The following ZNF724 variants were observed in gnomAD, a reference collection of about 807,000 sequenced individuals.
The protein encoded by ZNF724 is zinc finger protein 724, also known as zinc finger protein 724 pseudogene.
ZNF724 carries 14 observed loss-of-function variants against 29.3 expected under a neutral mutation model. The ratio of observed to expected loss-of-function variants is 0.48; its 90% CI spans 0.32 to 0.75. The LOEUF (loss-of-function observed/expected upper bound fraction) is 0.75, where lower values mean the gene tolerates loss of function less well. Among genes scored for constraint, ZNF724 ranks in the 30% least tolerant of loss-of-function variants. The pLI is 0.04. For missense variants in ZNF724, 557 were observed against 571.2 expected (o/e 0.98, Z 0.25); for synonymous variants, 180 against 193.6 (o/e 0.93, Z 0.58).
chr19:23,230,842 T>C (rs1971922437), intron 3 of ZNF724: 1 of 152,362 alleles, frequency 6.6e-6, no homozygotes, highest in East Asian at 1.9e-4. Context: ...CTATTTTCCT[T>C]GGAGCACAAC....
At chr19:23,249,230 G>A (rs1468589013) in intron 1 of ZNF724, among the ~76,000 whole-genome samples, 1 of 140,062 alleles carries the variant, frequency 7.1e-6, no homozygotes, top group Non-Finnish European at 1.5e-5. Flanking sequence ...TAATATTTTT[G>A]CAGAGACTGC....
At chr19:23,228,260 G>C (rs1465920771) in intron 3 of ZNF724, among the ~76,000 whole-genome samples, 1 of 151,724 alleles carries the variant, frequency 6.6e-6, no homozygotes, top group Non-Finnish European at 1.5e-5. Flanking sequence ...GACCAGCCTG[G>C]CCAACATGGT....
chr19:23,240,953 AAC>A (rs1056401941), intron 1 of ZNF724, among the ~76,000 whole-genome samples: 74 of 152,158 alleles, frequency 4.9e-4, no homozygotes, highest in African/African-American at 1.8e-3. Flanking sequence ...AAATTGCTTA[AAC>A]CCCGGAGGCA....
At chr19:23,236,281 A>T (rs1599643263) in intron 1 of ZNF724, 1 of 152,414 alleles carries the variant, frequency 6.6e-6, no homozygotes, top group East Asian at 1.9e-4. Flanking sequence ...CTGCCAGAGC[A>T]GCACTCCAGT....
At chr19:23,234,814 T>C (rs1971998341) in intron 1 of ZNF724, among the ~76,000 whole-genome samples, 2 of 152,200 alleles carry the variant, frequency 1.3e-5, no homozygotes, top group Admixed American at 6.5e-5. Context: ...CTATGTATTT[T>C]GATTCTGCAG....
At chr19:23,228,077 G>C (rs1971870795) in intron 3 of ZNF724, among the ~76,000 whole-genome samples, 1 of 152,044 alleles carries the variant, frequency 6.6e-6, no homozygotes, top group South Asian at 2.1e-4. Flanking sequence ...ACTGAGGTTG[G>C]AGAATTTCTT....
At chr19:23,249,363 C>T (rs376532286) in intron 1 of ZNF724, among the ~76,000 whole-genome samples, 1 of 151,556 alleles carries the variant, frequency 6.6e-6, no homozygotes, top group African/African-American at 2.4e-5. Context: ...GCCTCAGCCT[C>T]CCGAGTGGCT....
At chr19:23,249,171 C>T (rs1271161966) in intron 1 of ZNF724, among the ~76,000 whole-genome samples, 2 of 152,052 alleles carry the variant, frequency 1.3e-5, no homozygotes, top group Non-Finnish European at 2.9e-5. Flanking sequence ...AAAACTACAA[C>T]CCATAGGGGT....
intron 1 of ZNF724, among the ~76,000 whole-genome samples, chr19:23,246,560 G>C (rs1444233593): frequency 6.6e-6 from 1 of 151,844 alleles, no homozygotes; most frequent in African/African-American, 2.4e-5. Flanking sequence ...GAGGCTGAGA[G>C]AGGAGAATTG....
At position 23,233,066 on chromosome 19, in the gene ZNF724, G is replaced by A. The variant is rs567467586; in HGVS notation, c.4-773C>T. Reference sequence around the variant, plus strand: ...CAACTGCACTAGGACAAATTTTTACGGTGTGCTAAAACACACAGAAGGACA... The same window carrying A: ...CAACTGCACTAGGACAAATTTTTACAGTGTGCTAAAACACACAGAAGGACA... On this transcript the variant is annotated intron_variant, in intron 1 of 3. Coordinates refer to ENST00000418100, the MANE Select transcript of ZNF724 (RefSeq NM_001355404.2). Among the ~76,000 whole-genome samples the A allele has an allele frequency of 8.9e-4, 136 of 152,114 alleles. 1 individual carries two copies. Among genetic ancestry groups the A allele is most frequent in the Non-Finnish European group, 1.3e-3 (86 of 67,972 alleles).
At chr19:23,226,893 T>A (rs1281668335) in intron 3 of ZNF724, among the ~76,000 whole-genome samples, 1 of 152,124 alleles carries the variant, frequency 6.6e-6, no homozygotes, top group Non-Finnish European at 1.5e-5. Context: ...TTTTAATATG[T>A]AAGTAAAACC....
chr19:23,230,539 AT>A (rs527528714), intron 3 of ZNF724, among the ~76,000 whole-genome samples: 115 of 152,320 alleles, frequency 7.5e-4, no homozygotes, highest in African/African-American at 2.6e-3. Context: ...AACAAAAAAA[AT>A]GAAACAGAAA....
chr19:23,232,818 T>A (rs1971960274), intron 1 of ZNF724, among the ~76,000 whole-genome samples: 1 of 111,610 alleles, frequency 9.0e-6, no homozygotes, highest in Non-Finnish European at 2.1e-5. Flanking sequence ...TAACCTGTTT[T>A]TCCCCCCAGT....
intron 3 of ZNF724, among the ~76,000 whole-genome samples, chr19:23,227,555 C>CAAAAAAAAAAAAAAAAAA (rs1370441801): frequency 2.6e-5 from 2 of 76,042 alleles, no homozygotes; most frequent in African/African-American, 4.5e-5. Flanking sequence ...GGCTCCATCT[C>CAAAAAAAAAAAAAAAAAA]AAAAAAAAAA....
chr19:23,234,196 C>A (rs1971985893), intron 1 of ZNF724, among the ~76,000 whole-genome samples: 1 of 152,120 alleles, frequency 6.6e-6, no homozygotes, highest in African/African-American at 2.4e-5. Context: ...GTATCTTGAA[C>A]CCCTCATAGT....
intron 1 of ZNF724, among the ~76,000 whole-genome samples, 155 bp from the exon 2 acceptor site, chr19:23,232,448 C>G (rs1163210612): frequency 6.6e-6 from 1 of 152,156 alleles, no homozygotes; most frequent in African/African-American, 2.4e-5. Flanking sequence ...GAAATATTCT[C>G]TGATGTACTC....
At chr19:23,228,675 G>A (rs1290535414) in intron 3 of ZNF724, among the ~76,000 whole-genome samples, 5 of 152,036 alleles carry the variant, frequency 3.3e-5, no homozygotes, top group Non-Finnish European at 7.4e-5. Flanking sequence ...TAAGGCGGGA[G>A]GATCACCTGA....
At chr19:23,238,185 G>A (rs1294552632) in intron 1 of ZNF724, among the ~76,000 whole-genome samples, 1 of 151,946 alleles carries the variant, frequency 6.6e-6, no homozygotes, top group Non-Finnish European at 1.5e-5. Context: ...CTAACACGGT[G>A]AAACCCCATC....
chr19:23,227,740 C>T (rs1235220050), intron 3 of ZNF724, among the ~76,000 whole-genome samples: 1 of 151,842 alleles, frequency 6.6e-6, no homozygotes, highest in African/African-American at 2.4e-5. Context: ...TCCTATTTGC[C>T]TGCAGCAAAC....
Sources: gnomAD v4.1 joint callset for allele counts (sites outside exome capture counted in the v4.1 genomes callset) on GRCh38, gnomAD v4.1.1 for gene constraint, MANE v1.5 for transcripts, NCBI Gene and HGNC (gene_info 2026-07-23, HGNC 2026-07-21) for gene names.